The following CEP85L variants were observed in gnomAD, a reference collection of about 807,000 sequenced individuals.
CEP85L encodes the protein centrosomal protein 85L.
A neutral mutation model predicts 100.3 loss-of-function variants in CEP85L; 60 were observed. That is an observed-to-expected ratio of 0.60 (90% CI 0.49 to 0.74). CEP85L has a LOEUF of 0.74. CEP85L is among the 30% of genes least tolerant of loss of function. CEP85L has a pLI of 0.00. For synonymous variants in CEP85L, 319 were observed against 322.7 expected (o/e 0.99, Z 0.12); for missense variants, 973 against 936.2 (o/e 1.04, Z -0.51).
chr6:118,566,342 T>C, intron 2 of CEP85L, 26 bp from the exon 3 acceptor site: 1 of 1,559,412 alleles, frequency 6.4e-7, no homozygotes, highest in Non-Finnish European at 8.7e-7. Flanking sequence ...ATGGTCAAAT[T>C]AGTTACAATT....
rs1399103235 is a variant in CEP85L at position 118,506,439 on chromosome 6, T to C, written c.1257+4859A>G. Among the ~76,000 whole-genome samples the C allele has an allele frequency of 3.9e-5, 6 of 152,310 alleles. No individual in the cohort carries two copies. In the East Asian group the frequency reaches 1.2e-3, roughly 29 times the overall value. On this transcript the variant is annotated intron_variant, in intron 5 of 12. Coordinates refer to ENST00000368491, the MANE Select transcript of CEP85L (RefSeq NM_001042475.3). ...AACTGAAAGTCTATAAAGAAGGAAG[T>C]GCACTTCTCAAGGAAGAGCACCCAA...
At chr6:118,646,654 C>T (rs1360416528) in intron 1 of CEP85L, among the ~76,000 whole-genome samples, 1 of 152,000 alleles carries the variant, frequency 6.6e-6, no homozygotes, top group Non-Finnish European at 1.5e-5. Context: ...GAATGAGACT[C>T]TGTCTCAAAA....
At chr6:118,498,841 C>T (rs951149794) in intron 5 of CEP85L, among the ~76,000 whole-genome samples, 3 of 152,140 alleles carry the variant, frequency 2.0e-5, no homozygotes, top group Non-Finnish European at 4.4e-5. Context: ...CTGGAACATT[C>T]ACCAAAGCGG....
At chr6:118,576,019 G>C (rs372698612) in intron 2 of CEP85L, among the ~76,000 whole-genome samples, 1 of 151,974 alleles carries the variant, frequency 6.6e-6, no homozygotes, top group East Asian at 1.9e-4. Context: ...AGCCCTGTTA[G>C]AACATATCAT....
chr6:118,592,329 C>CTTTT (rs34976343), intron 2 of CEP85L, among the ~76,000 whole-genome samples: 2 of 121,660 alleles, frequency 1.6e-5, no homozygotes, highest in African/African-American at 3.0e-5. Flanking sequence ...TCCTCTAGGT[C>CTTTT]TTTTTTTTTT....
rs1016100020 is a variant in CEP85L, at chr6:118,602,307, T to C, written c.232+30146A>G. Reference sequence around the variant, plus strand: ...ATTCAGTAAGCTTCTCCTATATTCCTACACAAAGAGTGTAACAGCAATATA... The same window carrying C: ...ATTCAGTAAGCTTCTCCTATATTCCCACACAAAGAGTGTAACAGCAATATA... On this transcript the variant is annotated intron_variant, in intron 2 of 12. Transcript: ENST00000368491. 4.7e-4 allele frequency among the ~76,000 whole-genome samples: 71 copies of C among 152,330 alleles called. 1 individual carries two copies. The highest frequency in any genetic ancestry group is 7.3e-5 in the Non-Finnish European group (5 of 68,030).
At chr6:118,582,057 G>A (rs113306825) in intron 2 of CEP85L, among the ~76,000 whole-genome samples, 1 of 152,066 alleles carries the variant, frequency 6.6e-6, no homozygotes, top group South Asian at 2.1e-4. Flanking sequence ...ACAGGGAATC[G>A]TTCCCCAGAG....
chr6:118,621,159 T>C (rs1230824887), intron 2 of CEP85L, among the ~76,000 whole-genome samples: 1 of 152,084 alleles, frequency 6.6e-6, no homozygotes, highest in Admixed American at 6.6e-5. Context: ...ATTTAAAAGC[T>C]CAAGGCTTAG....
chr6:118,557,694 A>C (rs1017402391), intron 3 of CEP85L, among the ~76,000 whole-genome samples: 2 of 152,144 alleles, frequency 1.3e-5, no homozygotes, highest in Non-Finnish European at 2.9e-5. Context: ...CCAGAATAAG[A>C]GGGTTGAAAA....
chr6:118,568,262 T>C (rs1385280105), intron 2 of CEP85L, among the ~76,000 whole-genome samples: 4 of 152,178 alleles, frequency 2.6e-5, no homozygotes, highest in South Asian at 2.1e-4. Context: ...AGTTCTCATA[T>C]ATGATTTGAG....
chr6:118,592,771 T>C (rs1160610633), intron 2 of CEP85L, among the ~76,000 whole-genome samples: 3 of 152,202 alleles, frequency 2.0e-5, no homozygotes, highest in Non-Finnish European at 2.9e-5. Context: ...CAATAAATGT[T>C]GGTATCATTA....
At chr6:118,491,558 A>G in intron 6 of CEP85L, 128 bp downstream of exon 6, 1 of 1,429,270 alleles carries the variant, frequency 7.0e-7, no homozygotes, top group Non-Finnish European at 9.1e-7. Context: ...AAGTTACTAC[A>G]AAATTAATCA....
intron 2 of CEP85L, among the ~76,000 whole-genome samples, chr6:118,617,643 G>A (rs918236714): frequency 1.5e-4 from 23 of 152,256 alleles, no homozygotes; most frequent in Middle Eastern, 3.4e-3. Context: ...CAACCCATTC[G>A]GGACCCCTTC....
intron 2 of CEP85L, among the ~76,000 whole-genome samples, chr6:118,598,286 G>A (rs1781554752): frequency 6.6e-6 from 1 of 152,244 alleles, no homozygotes; most frequent in East Asian, 1.9e-4. Context: ...TTACTGTCCA[G>A]CACTTTTTTA....
chr6:118,494,702 A>T (rs778056131), intron 5 of CEP85L, among the ~76,000 whole-genome samples: 1 of 152,186 alleles, frequency 6.6e-6, no homozygotes, highest in African/African-American at 2.4e-5. Flanking sequence ...TTCCCTGCAC[A>T]CTTTACCACT....
rs1054056730 is a variant in CEP85L, at chr6:118,480,467, G to A, written c.1792C>T (p.Pro598Ser). ...ERCLEDGIRL[P>S]MLDAKQLQNE... The stretch of plus-strand genomic sequence containing the variant: ...TGAAGCTGTTTTGCATCTAACATGG[G>A]AAGGCGGATTCCATCTTCAAGGCAT... Residue 598 changes from proline to serine, a missense_variant, in exon 9 of 13, where the codon CCC becomes TCC. Pro to Ser is a moderately conservative substitution (Grantham distance 74). Around this residue, in one of 3 missense-constraint regions of CEP85L, gnomAD observed 890 missense variants for 844.5 expected, o/e 1.05. Coordinates refer to ENST00000368491, the MANE Select transcript of CEP85L (RefSeq NM_001042475.3). 9 of 1,611,440 alleles carry A rather than the reference G, an allele frequency of 5.6e-6. No individual in the cohort carries two copies. Among genetic ancestry groups the A allele is most frequent in the Non-Finnish European group, 7.6e-6 (9 of 1,178,504 alleles).
chr6:118,613,102 C>T (rs1772761279), intron 2 of CEP85L, among the ~76,000 whole-genome samples: 1 of 152,070 alleles, frequency 6.6e-6, no homozygotes, highest in African/African-American at 2.4e-5. Context: ...ATCCCAGCTA[C>T]TCAGGAGGCT....
intron 1 of CEP85L, among the ~76,000 whole-genome samples, chr6:118,639,747 AC>A (rs1169066234): frequency 2.0e-5 from 3 of 152,342 alleles, no homozygotes; most frequent in African/African-American, 7.2e-5. Flanking sequence ...GCACACTTAT[AC>A]AGGGTCTCAA....
chr6:118,507,115 T>C (rs1447346453), intron 5 of CEP85L, among the ~76,000 whole-genome samples: 1 of 152,176 alleles, frequency 6.6e-6, no homozygotes, highest in African/African-American at 2.4e-5. Flanking sequence ...ATTACCCTCA[T>C]TCTTCACTCA....
Sources: gnomAD v4.1 joint callset for allele counts (sites outside exome capture counted in the v4.1 genomes callset) on GRCh38, gnomAD v4.1.1 for gene constraint, gnomAD v4.1.1 regional missense constraint, MANE v1.5 for transcripts, NCBI Gene and HGNC (gene_info 2026-07-23, HGNC 2026-07-21) for gene names.